The following MYRFL variants were observed in gnomAD, a reference collection of about 807,000 sequenced individuals.
The protein encoded by MYRFL is myelin regulatory factor-like protein.
A neutral mutation model predicts 109.4 loss-of-function variants in MYRFL; 88 were observed. The ratio of observed to expected loss-of-function variants is 0.80; its 90% CI spans 0.68 to 0.96. The LOEUF (loss-of-function observed/expected upper bound fraction) is 0.96, where lower values mean the gene tolerates loss of function less well. Ranked by LOEUF, MYRFL falls within the 40% of genes least tolerant of loss-of-function variation. The probability of loss-of-function intolerance (pLI) is 0.00; values close to 1 mark genes in which losing one functional copy is unlikely to be tolerated. For missense variants in MYRFL, 957 were observed against 954.9 expected (o/e 1.00, Z -0.03); for synonymous variants, 324 against 320.9 (o/e 1.01, Z -0.10).
intron 1 of MYRFL, among the ~76,000 whole-genome samples, chr12:69,841,258 A>G (rs536306730): frequency 6.6e-6 from 1 of 152,230 alleles, no homozygotes; most frequent in East Asian, 1.9e-4. Flanking sequence ...GTTCTCTCAT[A>G]TTTGCTATTT....
intron 18 of MYRFL, 55 bp downstream of exon 18, chr12:69,936,390 G>C (rs902826883): frequency 1.3e-6 from 2 of 1,530,690 alleles, no homozygotes; most frequent in Non-Finnish European, 1.7e-6. Context: ...ACTGTTAACA[G>C]AAGAAACCAG....
Position 69,952,183 on chromosome 12 carries a change from G to A in MYRFL, c.2287+8G>A. On this transcript the variant is annotated splice_region_variant and intron_variant, in intron 20 of 24. Transcript: ENST00000552032. ...CTGACTGGGAGAGTGACTGTAAGTT[G>A]ACATTTAAGTGACACTATTCTTTGG... The A allele has an allele frequency of 6.5e-7, 1 of 1,535,876 alleles. No individual in the cohort carries two copies. The highest frequency in any genetic ancestry group is 1.4e-5 in the African/African-American group (1 of 73,164).
chr12:69,931,838 T>TATC (rs1393528939), intron 15 of MYRFL, among the ~76,000 whole-genome samples: 1 of 152,200 alleles, frequency 6.6e-6, no homozygotes, highest in Non-Finnish European at 1.5e-5. Context: ...TACCAATATG[T>TATC]ATCAGTCCTA....
chr12:69,937,899 C>T (rs75465551), intron 19 of MYRFL, among the ~76,000 whole-genome samples: 5,174 of 152,240 alleles, frequency 0.034, 265 homozygotes, highest in African/African-American at 0.11. Flanking sequence ...TATTACTCTA[C>T]GCTAGGTACT....
intron 13 of MYRFL, among the ~76,000 whole-genome samples, chr12:69,926,117 C>CTTTTTTTTTT (rs147973443): frequency 9.4e-5 from 8 of 84,840 alleles, no homozygotes; most frequent in Non-Finnish European, 1.3e-4. Flanking sequence ...TCTTCTTCTT[C>CTTTTTTTTTT]TTTTTTTTTT....
intron 10 of MYRFL, among the ~76,000 whole-genome samples, chr12:69,900,443 T>C (rs1954143584): frequency 6.6e-6 from 1 of 152,196 alleles, no homozygotes; most frequent in Non-Finnish European, 1.5e-5. Flanking sequence ...GTATTATGAA[T>C]AAGAATCCCC....
rs375300812 is a variant in MYRFL, at chr12:69,951,211, A to G, written c.2225-902A>G. ...TTTCTTAGTCCACTTTGCCGTCGTA[A>G]CAGAATACCACTGACTGGGTGGCTT... On this transcript the variant is annotated intron_variant, in intron 19 of 24. Coordinates refer to ENST00000552032, the MANE Select transcript of MYRFL (RefSeq NM_182530.3). Among the ~76,000 whole-genome samples the G allele has an allele frequency of 2.1e-3, 325 of 152,228 alleles. 3 individuals are homozygous for G. The highest frequency in any genetic ancestry group is 7.3e-3 in the African/African-American group (303 of 41,532).
chr12:69,860,642 C>T (rs1884592646), intron 2 of MYRFL, among the ~76,000 whole-genome samples: 1 of 151,952 alleles, frequency 6.6e-6, no homozygotes, highest in South Asian at 2.1e-4. Flanking sequence ...TCTTTTCCCC[C>T]TTTCCTGCCC....
At chr12:69,956,696 A>G (rs1956105349) in intron 22 of MYRFL, among the ~76,000 whole-genome samples, 1 of 150,214 alleles carries the variant, frequency 6.7e-6, no homozygotes, top group Admixed American at 6.6e-5. Context: ...CAGTCTTCAT[A>G]CTCTTTTTTT....
At chr12:69,949,650 G>T (rs1219281503) in intron 19 of MYRFL, among the ~76,000 whole-genome samples, 1 of 135,676 alleles carries the variant, frequency 7.4e-6, no homozygotes. Flanking sequence ...TTTTTTTTTT[G>T]TAATTTTTTT....
intron 1 of MYRFL, among the ~76,000 whole-genome samples, chr12:69,832,944 TTGTG>T (rs57702116): frequency 0.022 from 3,217 of 143,770 alleles, 44 homozygotes; most frequent in Non-Finnish European, 0.029. Context: ...AGGAACAGGC[TTGTG>T]TGTGTGTGTG....
At chr12:69,877,059 G>T (rs537341944) in intron 2 of MYRFL, among the ~76,000 whole-genome samples, 7 of 86,080 alleles carry the variant, frequency 8.1e-5, no homozygotes, top group Admixed American at 1.1e-4. Flanking sequence ...AGTCTCGCTC[G>T]GTCAGCTAGG....
intron 19 of MYRFL, among the ~76,000 whole-genome samples, chr12:69,946,262 T>C (rs944018512): frequency 6.6e-6 from 1 of 152,134 alleles, no homozygotes. Context: ...CAGAACTAAC[T>C]GCTTCTTTGA....
At chr12:69,945,874 C>T (rs1240144003) in intron 19 of MYRFL, among the ~76,000 whole-genome samples, 1 of 145,046 alleles carries the variant, frequency 6.9e-6, no homozygotes, top group Non-Finnish European at 1.5e-5. Flanking sequence ...GTAGTCCCAG[C>T]TACTTGGGAG....
chr12:69,946,137 A>C (rs936573876), intron 19 of MYRFL, among the ~76,000 whole-genome samples: 9 of 151,940 alleles, frequency 5.9e-5, no homozygotes. Flanking sequence ...AGTAGCCTAG[A>C]AACAAGATGA....
At chr12:69,908,959 A>G (rs758287389) in intron 11 of MYRFL, among the ~76,000 whole-genome samples, 2 of 151,748 alleles carry the variant, frequency 1.3e-5, no homozygotes, top group Admixed American at 6.6e-5. Flanking sequence ...GCTCCCTTCT[A>G]TGTGTCCAGG....
At chr12:69,864,168 A>T (rs1039030315) in intron 2 of MYRFL, among the ~76,000 whole-genome samples, 2 of 152,150 alleles carry the variant, frequency 1.3e-5, no homozygotes, top group East Asian at 3.8e-4. Flanking sequence ...CTCAAATTCG[A>T]ATCTGTAAAT....
chr12:69,887,054 T>A, intron 6 of MYRFL, 84 bp downstream of exon 6: 2 of 1,417,992 alleles, frequency 1.4e-6, no homozygotes, highest in Non-Finnish European at 1.9e-6. Context: ...GGAGCTTTGA[T>A]GTCACCTCTG....
intron 13 of MYRFL, among the ~76,000 whole-genome samples, chr12:69,920,719 G>A (rs912893323): frequency 6.6e-6 from 1 of 152,150 alleles, no homozygotes; most frequent in Non-Finnish European, 1.5e-5. Flanking sequence ...GGTTCAATAT[G>A]GTGAGAGCAT....
Sources: gnomAD v4.1 joint callset for allele counts (sites outside exome capture counted in the v4.1 genomes callset) on GRCh38, gnomAD v4.1.1 for gene constraint, MANE v1.5 for transcripts, NCBI Gene and HGNC (gene_info 2026-07-23, HGNC 2026-07-21) for gene names.